Variants in CCNF observed in about 807,000 individuals in gnomAD.
CCNF encodes cyclin-F.
CCNF carries 30 observed loss-of-function variants against 85.4 expected under a neutral mutation model. That is an observed-to-expected ratio of 0.35 (90% confidence interval 0.26 to 0.48). CCNF has a LOEUF of 0.48. Among genes scored for constraint, CCNF ranks in the 20% least tolerant of loss-of-function variants. CCNF has a pLI of 0.99. For synonymous variants in CCNF, 439 were observed against 425.1 expected (o/e 1.03, Z -0.40); for missense variants, 919 against 1,010.4 (o/e 0.91, Z 1.23).
intron 15 of CCNF, among the ~76,000 whole-genome samples, chr16:2,454,707 C>A (rs929203482): frequency 6.6e-6 from 1 of 152,214 alleles, no homozygotes; most frequent in Non-Finnish European, 1.5e-5. Flanking sequence ...CGCCCAAGGC[C>A]AGGCCATTCC....
intron 5 of CCNF, 184 bp downstream of exon 5, chr16:2,437,506 T>G: frequency 1.8e-6 from 1 of 551,852 alleles, no homozygotes; most frequent in East Asian, 3.0e-5. Context: ...GGAGGAAGCC[T>G]GAGAGCCAGG....
At chr16:2,437,970 G>A in intron 5 of CCNF, 100 bp from the exon 6 acceptor site, 4 of 784,858 alleles carry the variant, frequency 5.1e-6, no homozygotes, top group South Asian at 1.4e-5. Context: ...GGGCCAGACA[G>A]CAGGGCCATG....
intron 10 of CCNF, among the ~76,000 whole-genome samples, chr16:2,447,611 C>T (rs1246256959): frequency 6.6e-6 from 1 of 151,972 alleles, no homozygotes; most frequent in African/African-American, 2.4e-5. Context: ...ATTAGCCAGA[C>T]GTGGTAGTGG....
At position 2,456,074 on chromosome 16, in the gene CCNF, T is replaced by C. The variant is rs935182707; in HGVS notation, c.1886-471T>C. ...TACTCAGGAGGCTGAGGTGGGAGGA[T>C]CTCTTGAGCACAGGAGGTGGGAGCT... On this transcript the variant is annotated intron_variant, in intron 16 of 16. Transcript: ENST00000397066. The surrounding 1 kb of genome is among the most constrained non-coding windows in gnomAD (Gnocchi z 4.5). Among the ~76,000 whole-genome samples, 8 of 152,156 alleles carry C rather than the reference T, an allele frequency of 5.3e-5. No individual in the cohort carries two copies. Among genetic ancestry groups the C allele is most frequent in the African/African-American group, 1.9e-4 (8 of 41,452 alleles).
At chr16:2,455,709 G>A (rs952299116) in intron 16 of CCNF, 145 bp downstream of exon 16, 84 of 1,336,768 alleles carry the variant, frequency 6.3e-5, no homozygotes, top group South Asian at 1.3e-4. Context: ...CTGCCCCGCC[G>A]GGGAGTGTGT....
chr16:2,431,836 C>CTTTT (rs112459938), intron 2 of CCNF, among the ~76,000 whole-genome samples: 1 of 145,126 alleles, frequency 6.9e-6, no homozygotes. Context: ...AAGAAAGTAC[C>CTTTT]TTTTTTTTTT....
At chr16:2,432,579 A>G (rs544016617) in intron 2 of CCNF, among the ~76,000 whole-genome samples, 1 of 151,934 alleles carries the variant, frequency 6.6e-6, no homozygotes, top group African/African-American at 2.4e-5. Context: ...CTGTTTCCAC[A>G]CTCCCACTAG....
chr16:2,453,027 G>T lies in CCNF; in HGVS notation c.1488-183G>T. ...GGACATAGTTTTTCCTTTTTCCTGG[G>T]TCTTTACCTAGAGAGGAATTGCTAG... On this transcript the variant is annotated intron_variant, in intron 13 of 16. Coordinates refer to ENST00000397066, the MANE Select transcript of CCNF (RefSeq NM_001761.3). This position sits in a 1 kb window ranked among gnomAD's most constrained non-coding sequence, Gnocchi z 5.6. 1.6e-6 allele frequency: 1 copy of T among 614,946 alleles called. No homozygotes were observed. Among genetic ancestry groups the T allele is most frequent in the South Asian group, 1.9e-5 (1 of 51,542 alleles). 38.1% of individuals were successfully genotyped at this position (614,946 alleles called of 1,614,324 possible).
chr16:2,449,329 T>C lies in CCNF; in HGVS notation c.1266T>C (p.Pro422=). The part of the protein sequence containing the change: ...DYKEVLLTLV[P]VELRTQHLCS... Reference sequence around the variant, plus strand: ...AGGAGGTCCTGCTGACGCTAGTCCCTGTGGAGCTGAGAACCCAGCACCTGT... The same window carrying C: ...AGGAGGTCCTGCTGACGCTAGTCCCCGTGGAGCTGAGAACCCAGCACCTGT... Residue 422 remains proline, a synonymous_variant, in exon 12 of 17, where the codon CCT becomes CCC. Transcript: ENST00000397066. The C allele has an allele frequency of 6.2e-7, 1 of 1,613,896 alleles. No individual in the cohort carries two copies. Among genetic ancestry groups the C allele is most frequent in the South Asian group, 1.1e-5 (1 of 91,090 alleles).
Position 2,445,136 on chromosome 16 carries a change from G to A in CCNF, c.930-322G>A, listed in dbSNP as rs749255669. Among the ~76,000 whole-genome samples the A allele has an allele frequency of 3.3e-5, 5 of 152,290 alleles. No individual in the cohort carries two copies. In the East Asian group the frequency reaches 7.7e-4, roughly 24 times the overall value. On this transcript the variant is annotated intron_variant, in intron 9 of 16. Coordinates refer to ENST00000397066, the MANE Select transcript of CCNF (RefSeq NM_001761.3). ...CCTTCTCCCGCTCCCTGCACGCCCC[G>A]AGGGTCAGGGTTCATCCACTGTGGG...
At chr16:2,450,654 G>A (rs1249016157) in intron 13 of CCNF, among the ~76,000 whole-genome samples, 2 of 152,180 alleles carry the variant, frequency 1.3e-5, no homozygotes, top group Non-Finnish European at 2.9e-5. Context: ...GGTAACTTGT[G>A]CGTGTTGTCA....
chr16:2,456,516 G>A lies in CCNF; in HGVS notation c.1886-29G>A, dbSNP rs748030793. 2.0e-6 allele frequency: 3 copies of A among 1,466,634 alleles called. No homozygotes were observed. The highest frequency in any genetic ancestry group is 1.8e-6 in the Non-Finnish European group (2 of 1,096,326). 90.9% of individuals were successfully genotyped at this position (1,466,634 alleles called of 1,614,324 possible). A position where few individuals can be genotyped will look rare whatever the true frequency, so the allele number is the denominator to read the frequency against. ...CTCCCCTGATGCTTGGGTGTGACATGACTTCCCTCCCCACCAACCTTCCTG... is the reference window on the plus strand; with the variant it reads ...CTCCCCTGATGCTTGGGTGTGACATAACTTCCCTCCCCACCAACCTTCCTG... On this transcript the variant is annotated intron_variant, in intron 16 of 16. Transcript: ENST00000397066. This position sits in a 1 kb window ranked among gnomAD's most constrained non-coding sequence, Gnocchi z 4.5.
At chr16:2,441,043 C>A (rs1312273996) in intron 8 of CCNF, among the ~76,000 whole-genome samples, 1 of 151,718 alleles carries the variant, frequency 6.6e-6, no homozygotes, top group African/African-American at 2.4e-5. Flanking sequence ...ACCACCCTGG[C>A]CAATGTGGTG....
intron 8 of CCNF, among the ~76,000 whole-genome samples, chr16:2,441,887 A>G (rs1186029571): frequency 1.4e-5 from 2 of 143,640 alleles, no homozygotes; most frequent in Non-Finnish European, 3.0e-5. Context: ...ACTACTAGTC[A>G]TAAGAGTGCA....
At position 2,457,190 on chromosome 16, in the gene CCNF, T is replaced by C; in HGVS notation, c.*170T>C. 1.8e-6 allele frequency: 1 copy of C among 570,018 alleles called. No individual in the cohort carries two copies. The highest frequency in any genetic ancestry group is 3.1e-6 in the Non-Finnish European group (1 of 325,416). 35.3% of individuals were successfully genotyped at this position (570,018 alleles called of 1,614,324 possible). On this transcript the variant is annotated 3_prime_UTR_variant, in exon 17 of 17. Transcript: ENST00000397066. Reference sequence around the variant, plus strand: ...CTCCGCGGGAGTCCCGTGCAAGCCATCAGAATGTTGAAATGAGGGTGAAGA... The same window carrying C: ...CTCCGCGGGAGTCCCGTGCAAGCCACCAGAATGTTGAAATGAGGGTGAAGA...
At position 2,438,120 on chromosome 16, in the gene CCNF, C is replaced by A. The variant is rs762067213; in HGVS notation, c.591C>A (p.Phe197Leu). 1.9e-5 allele frequency: 31 copies of A among 1,605,082 alleles called. No individual in the cohort carries two copies. The highest frequency in any genetic ancestry group is 2.4e-5 in the Non-Finnish European group (28 of 1,171,942). The change falls in exon 6 of 17, where the codon TTC (phenylalanine) becomes TTA (leucine). Residue 197 changes from phenylalanine (F) to leucine (L), a missense_variant. Coordinates refer to ENST00000397066, the MANE Select transcript of CCNF (RefSeq NM_001761.3). ...LHCLGRVLSL[F>L]EDEEKQQQAH... ...GCTTGGGCAGAGTGCTGAGTCTGTT[C>A]GAGGTGAGTCAAGTTGTTCTCTGCA...
intron 15 of CCNF, among the ~76,000 whole-genome samples, chr16:2,455,149 G>A (rs1057479106): frequency 4.6e-5 from 7 of 151,836 alleles, no homozygotes; most frequent in Non-Finnish European, 1.0e-4. Context: ...CCCCACAGCT[G>A]AGCCGGGTGG....
rs1490521064 is a variant in CCNF at position 2,455,455 on chromosome 16, G to T, written c.1776G>T (p.Glu592Asp). Residue 592 changes from glutamate (E) to aspartate (D), a missense_variant, in exon 16 of 17, where the codon GAG (glutamate) becomes GAT (aspartate). Physicochemically the swap from Glu to Asp is conservative, Grantham distance 45. Coordinates refer to ENST00000397066, the MANE Select transcript of CCNF (RefSeq NM_001761.3). ...GCTTCGTTACCACCCCCACTGCGGAGCTGTCCAGCCAGGAGGAGACGCTGC... is the reference window on the plus strand; with the variant it reads ...GCTTCGTTACCACCCCCACTGCGGATCTGTCCAGCCAGGAGGAGACGCTGC... ...RGSFVTTPTA[E>D]LSSQEETLLG... 6.2e-7 allele frequency: 1 copy of T among 1,601,062 alleles called. No homozygotes were observed. Among genetic ancestry groups the T allele is most frequent in the Non-Finnish European group, 8.5e-7 (1 of 1,169,758 alleles).
At chr16:2,433,137 C>A (rs576137094) in intron 3 of CCNF, 70 bp downstream of exon 3, 2 of 953,624 alleles carry the variant, frequency 2.1e-6, no homozygotes, top group East Asian at 2.6e-5. Flanking sequence ...GTCTGTGTCT[C>A]ACGGCCTGAT....
Sources: allele counts gnomAD v4.1 joint callset (sites outside exome capture counted in the v4.1 genomes callset), GRCh38; gene constraint gnomAD v4.1.1; non-coding constraint Gnocchi (gnomAD v3.1); transcripts MANE v1.5; gene names NCBI Gene and HGNC (gene_info 2026-07-23, HGNC 2026-07-21).